Variants in BCAS1 observed in about 807,000 individuals in gnomAD.
The protein encoded by BCAS1 is brain enriched myelin associated protein 1.
BCAS1 carries 46 observed loss-of-function variants against 65.4 expected under a neutral mutation model. The ratio of observed to expected loss-of-function variants is 0.70; its 90% CI spans 0.55 to 0.90. The LOEUF is 0.90. Among genes scored for constraint, BCAS1 ranks in the 40% least tolerant of loss-of-function variants. The probability of loss-of-function intolerance (pLI) is 0.00; values close to 1 mark genes in which losing one functional copy is unlikely to be tolerated. For synonymous variants in BCAS1, 298 were observed against 293.5 expected (o/e 1.02, Z -0.16); for missense variants, 793 against 771.2 (o/e 1.03, Z -0.33).
intron 11 of BCAS1, among the ~76,000 whole-genome samples, chr20:53,954,286 TGAGAAATGGAGAGAGAGAGAGA>T (rs2089626419): frequency 9.0e-6 from 1 of 110,952 alleles, no homozygotes; most frequent in Non-Finnish European, 1.8e-5. Flanking sequence ...AAATCACAGC[TGAGAAATGGAGAGAGAGAGAGA>T]GAGAGAGAGA....
rs143929524 is a variant in BCAS1, at chr20:53,996,461, T to TAAAAA, written c.724-416_724-412dup. ...TTCCACAGAGTTGGATTATATCAAC[T>TAAAAA]AAAAAAAAAAAAAAAAAAAAAGAAA... On this transcript the variant is annotated intron_variant, in intron 4 of 12. Transcript: ENST00000688948. Among the ~76,000 whole-genome samples the TAAAAA allele has an allele frequency of 6.0e-4, 55 of 91,950 alleles. 2 individuals are homozygous for TAAAAA. The highest frequency in any genetic ancestry group is 1.1e-3 in the East Asian group (3 of 2,634). The allele number at this position is 91,950 out of a possible 152,430, so 60.3% of individuals were successfully genotyped here. A position where few individuals can be genotyped will look rare whatever the true frequency, so the allele number is the denominator to read the frequency against.
chr20:54,057,306 G>A lies in BCAS1; in HGVS notation c.142+779C>T, dbSNP rs559706084. Among the ~76,000 whole-genome samples the A allele has an allele frequency of 7.2e-5, 11 of 152,280 alleles. No homozygotes were observed. The South Asian group carries it at 1.9e-3, about 26-fold the overall frequency. On this transcript the variant is annotated intron_variant, in intron 3 of 12. Coordinates refer to ENST00000688948, the MANE Select transcript of BCAS1 (RefSeq NM_001366298.2). ...GGGGAAAAGGAATATATGAAATATC[G>A]CTGGAGACTATGTTAAATGTTTAAT...
At chr20:53,974,796 C>T (rs1397222715) in intron 9 of BCAS1, among the ~76,000 whole-genome samples, 1 of 152,192 alleles carries the variant, frequency 6.6e-6, no homozygotes, top group Non-Finnish European at 1.5e-5. Flanking sequence ...TAGCACCATC[C>T]CTTTCGGGGA....
At chr20:53,952,529 T>C (rs1035325552) in intron 12 of BCAS1, among the ~76,000 whole-genome samples, 6 of 152,262 alleles carry the variant, frequency 3.9e-5, no homozygotes, top group Non-Finnish European at 8.8e-5. Context: ...AGGAGGCCTT[T>C]AGCCTGAGGC....
chr20:54,031,399 G>A (rs1346754655), intron 3 of BCAS1, among the ~76,000 whole-genome samples: 2 of 151,222 alleles, frequency 1.3e-5, no homozygotes, highest in Admixed American at 6.6e-5. Flanking sequence ...AGAGTTCTTC[G>A]GTGATACGTT....
chr20:53,975,266 T>C, intron 9 of BCAS1, 123 bp downstream of exon 9: 1 of 782,656 alleles, frequency 1.3e-6, no homozygotes, highest in Non-Finnish European at 2.1e-6. Flanking sequence ...TAAGAGAGTC[T>C]ACAACAAACG....
chr20:54,068,149 G>T (rs971992504), intron 1 of BCAS1, among the ~76,000 whole-genome samples: 1 of 152,200 alleles, frequency 6.6e-6, no homozygotes, highest in Non-Finnish European at 1.5e-5. Flanking sequence ...CCTGATTCCT[G>T]GTATGGGACT....
chr20:53,996,350 T>G (rs1048569775), intron 4 of BCAS1, among the ~76,000 whole-genome samples: 3 of 151,650 alleles, frequency 2.0e-5, no homozygotes, highest in African/African-American at 4.8e-5. Context: ...TGCAAAGAAG[T>G]TGTGTAAGGT....
chr20:54,045,773 C>G (rs6097742), intron 3 of BCAS1, among the ~76,000 whole-genome samples: 5 of 152,246 alleles, frequency 3.3e-5, no homozygotes. Flanking sequence ...TGCATTTTCC[C>G]TTAATTCTGG....
At chr20:53,959,642 C>A (rs1012458137) in intron 10 of BCAS1, among the ~76,000 whole-genome samples, 3 of 152,170 alleles carry the variant, frequency 2.0e-5, no homozygotes, top group Non-Finnish European at 4.4e-5. Context: ...AAGTGATCCT[C>A]CAGCCTTGGC....
chr20:53,964,186 T>C (rs1439212777), intron 10 of BCAS1, among the ~76,000 whole-genome samples: 17 of 152,198 alleles, frequency 1.1e-4, no homozygotes, highest in Non-Finnish European at 8.8e-5. Context: ...ACAATATGAT[T>C]CAAATAAGTT....
rs189433422 is a variant in BCAS1, at chr20:53,985,591, G to A, written c.1063-92C>T. 93 of 1,111,830 alleles carry A rather than the reference G, an allele frequency of 8.4e-5. No homozygotes were observed. In the African/African-American group the frequency reaches 1.4e-3, roughly 17 times the overall value. The allele number at this position is 1,111,830 out of a possible 1,614,324, so 68.9% of individuals were successfully genotyped here. On this transcript the variant is annotated intron_variant, in intron 7 of 12. Transcript: ENST00000688948. ...CTCTTTTTAATAAACATGGGCTGAG[G>A]TTATACATAATGTTAATTTTCTTCT...
intron 1 of BCAS1, among the ~76,000 whole-genome samples, chr20:54,066,254 G>A (rs55862036): frequency 0.061 from 9,303 of 151,976 alleles, 423 homozygotes; most frequent in Non-Finnish European, 0.092. Context: ...TTGTATTTTT[G>A]GTAGAGACGG....
intron 12 of BCAS1, among the ~76,000 whole-genome samples, chr20:53,948,848 T>G (rs2089419776): frequency 6.6e-6 from 1 of 152,190 alleles, no homozygotes; most frequent in Non-Finnish European, 1.5e-5. Context: ...AATCTGGCCC[T>G]CAGCTCACCT....
At chr20:54,008,470 T>C (rs61368357) in intron 4 of BCAS1, among the ~76,000 whole-genome samples, 7,202 of 152,210 alleles carry the variant, frequency 0.047, 424 homozygotes, top group East Asian at 0.31. Context: ...GTGAAGGTCA[T>C]GTGAGCAGAA....
chr20:54,022,179 G>A lies in BCAS1; in HGVS notation c.723+6213C>T, dbSNP rs540871691. ...GAAAGACTGAGGCGGGCTTGTGGGG[G>A]CTGTGAAGATGTTGAACCAACCTGA... On this transcript the variant is annotated intron_variant, in intron 4 of 12. Coordinates refer to ENST00000688948, the MANE Select transcript of BCAS1 (RefSeq NM_001366298.2). Among the ~76,000 whole-genome samples, 5 of 152,260 alleles carry A rather than the reference G, an allele frequency of 3.3e-5. 1 individual carries two copies. In the East Asian group the frequency reaches 9.7e-4, roughly 29 times the overall value.
intron 4 of BCAS1, among the ~76,000 whole-genome samples, chr20:54,014,978 A>G (rs1156532749): frequency 4.6e-5 from 7 of 152,186 alleles, no homozygotes; most frequent in Non-Finnish European, 8.8e-5. Flanking sequence ...TTAATATGCA[A>G]GCAGGAAGGA....
intron 7 of BCAS1, among the ~76,000 whole-genome samples, chr20:53,985,943 T>C (rs1359966731): frequency 2.0e-5 from 3 of 152,204 alleles, no homozygotes; most frequent in African/African-American, 7.2e-5. Flanking sequence ...AAATTAGAAA[T>C]TAAAGGAGAG....
chr20:54,056,402 C>G (rs2092297244), intron 3 of BCAS1, among the ~76,000 whole-genome samples: 1 of 152,006 alleles, frequency 6.6e-6, no homozygotes, highest in Non-Finnish European at 1.5e-5. Flanking sequence ...GGAGCTAAGC[C>G]ATGTGTATAC....
Sources: allele counts gnomAD v4.1 joint callset (sites outside exome capture counted in the v4.1 genomes callset), GRCh38; gene constraint gnomAD v4.1.1; transcripts MANE v1.5; gene names NCBI Gene and HGNC (gene_info 2026-07-23, HGNC 2026-07-21).